Variants in FER1L6 observed in about 807,000 individuals in gnomAD.
FER1L6 encodes the protein fer-1 like family member 6.
In FER1L6, 177 loss-of-function variants were observed where a neutral mutation model predicts 219.2. The ratio of observed to expected loss-of-function variants is 0.81; its 90% CI spans 0.71 to 0.91. The LOEUF (loss-of-function observed/expected upper bound fraction) is 0.91, where lower values mean the gene tolerates loss of function less well. Ranked by LOEUF, FER1L6 falls within the 40% of genes least tolerant of loss-of-function variation. FER1L6 has a pLI of 0.00. For missense variants in FER1L6, 2,153 were observed against 2,259.9 expected, an observed-to-expected ratio of 0.95 and a Z score of 0.96; for synonymous variants, 768 against 824.3, an observed-to-expected ratio of 0.93 and a Z score of 1.17.
intron 33 of FER1L6, among the ~76,000 whole-genome samples, chr8:124,086,827 T>C (rs1821804601): frequency 6.6e-6 from 1 of 152,206 alleles, no homozygotes; most frequent in Admixed American, 6.5e-5. Context: ...TTATTTCTCC[T>C]TCATATTTAA....
intron 1 of FER1L6, among the ~76,000 whole-genome samples, chr8:123,870,596 GA>G (rs1816908479): frequency 6.6e-6 from 1 of 152,188 alleles, no homozygotes; most frequent in Non-Finnish European, 1.5e-5. Context: ...GTAACATTCT[GA>G]AAAAGGCATA....
intron 1 of FER1L6, among the ~76,000 whole-genome samples, chr8:123,943,285 A>G (rs1814338154): frequency 6.6e-6 from 1 of 152,176 alleles, no homozygotes; most frequent in African/African-American, 2.4e-5. Context: ...GACCCAGGGC[A>G]TTGACACTGT....
At chr8:123,922,978 C>A (rs1034125894) in intron 1 of FER1L6, among the ~76,000 whole-genome samples, 3 of 152,150 alleles carry the variant, frequency 2.0e-5, no homozygotes, top group East Asian at 1.9e-4. Flanking sequence ...TACAGCCCCC[C>A]CCCAGACCCC....
chr8:124,033,541 G>T (rs1170048634), intron 18 of FER1L6, among the ~76,000 whole-genome samples: 1 of 151,840 alleles, frequency 6.6e-6, no homozygotes, highest in African/African-American at 2.4e-5. Flanking sequence ...ACTGCTTAAA[G>T]AATACAGTCC....
At chr8:124,019,844 G>A (rs1444613607) in intron 16 of FER1L6, among the ~76,000 whole-genome samples, 1 of 152,222 alleles carries the variant, frequency 6.6e-6, no homozygotes, top group Non-Finnish European at 1.5e-5. Context: ...AAGCCACTGG[G>A]ATCAGGAAAA....
At chr8:123,860,239 T>C (rs1816723840) in intron 1 of FER1L6, among the ~76,000 whole-genome samples, 1 of 89,782 alleles carries the variant, frequency 1.1e-5, no homozygotes, top group Non-Finnish European at 2.1e-5. Context: ...TGTTTGGTTT[T>C]TTGTTCTTGC....
chr8:123,866,067 C>T (rs1405758359), intron 1 of FER1L6, among the ~76,000 whole-genome samples: 1 of 151,734 alleles, frequency 6.6e-6, no homozygotes, highest in Non-Finnish European at 1.5e-5. Context: ...CAAGTCTTTG[C>T]TATTGTGAAT....
In FER1L6 at chr8:124,097,902, TCCAACCTC is replaced by T. The variant is rs1445754443; in HGVS notation, c.4883+23_4883+30del. The T allele has an allele frequency of 2.4e-6, 3 of 1,270,416 alleles. No individual in the cohort carries two copies. The highest frequency in any genetic ancestry group is 3.5e-6 in the Non-Finnish European group (3 of 866,860). 78.7% of individuals were successfully genotyped at this position (1,270,416 alleles called of 1,614,324 possible). A position where few individuals can be genotyped will look rare whatever the true frequency, so the allele number is the denominator to read the frequency against. On this transcript the variant is annotated intron_variant, in intron 37 of 40. Transcript: ENST00000522917. ...TGAAAGGGTAAGGTTATCAACAAAC[TCCAACCTC>T]CCATTTCCTTCCCTCCTCACCTTTT...
chr8:123,973,021 G>A (rs990636566), intron 6 of FER1L6, among the ~76,000 whole-genome samples: 1 of 152,184 alleles, frequency 6.6e-6, no homozygotes, highest in Non-Finnish European at 1.5e-5. Context: ...AATATGTGAT[G>A]AGTTCTCTGA....
intron 8 of FER1L6, 62 bp from the exon 9 acceptor site, chr8:123,975,836 G>A (rs1329548696): frequency 7.2e-7 from 1 of 1,381,146 alleles, no homozygotes; most frequent in Non-Finnish European, 9.8e-7. Context: ...AATTGCTCCT[G>A]TCTTTTCTCT....
chr8:123,966,119 G>A (rs753866820), intron 4 of FER1L6, 40 bp from the exon 5 acceptor site: 1 of 1,613,766 alleles, frequency 6.2e-7, no homozygotes, highest in South Asian at 1.1e-5. Flanking sequence ...TGCATGGATG[G>A]CGGTGTCCGG....
chr8:124,085,742 G>C (rs1821758756), intron 33 of FER1L6, among the ~76,000 whole-genome samples: 1 of 151,826 alleles, frequency 6.6e-6, no homozygotes, highest in South Asian at 2.1e-4. Flanking sequence ...GGTCCATTTG[G>C]TCTATAGGGT....
chr8:123,858,776 C>A (rs369831274), intron 1 of FER1L6, among the ~76,000 whole-genome samples: 1 of 152,168 alleles, frequency 6.6e-6, no homozygotes, highest in East Asian at 1.9e-4. Flanking sequence ...CCAAAGCTTT[C>A]AATCAATGAT....
chr8:123,985,004 G>A (rs1816503807), intron 11 of FER1L6: 1 of 152,250 alleles, frequency 6.6e-6, no homozygotes, highest in African/African-American at 2.4e-5. Flanking sequence ...AGCAACATCT[G>A]TTCCCTGAAG....
chr8:123,955,168 C>T (rs1586511158), intron 1 of FER1L6, among the ~76,000 whole-genome samples: 2 of 152,242 alleles, frequency 1.3e-5, no homozygotes, highest in East Asian at 3.9e-4. Flanking sequence ...ACTTGGGAGG[C>T]TGAGGCAGGA....
intron 22 of FER1L6, among the ~76,000 whole-genome samples, chr8:124,054,028 T>C (rs1404115542): frequency 6.6e-6 from 1 of 152,206 alleles, no homozygotes; most frequent in Non-Finnish European, 1.5e-5. Context: ...TAAGCCTTAA[T>C]TCTTTACACC....
chr8:123,887,785 A>G (rs959058894), intron 1 of FER1L6, among the ~76,000 whole-genome samples: 1 of 152,104 alleles, frequency 6.6e-6, no homozygotes, highest in Non-Finnish European at 1.5e-5. Flanking sequence ...TTCTGGAAGA[A>G]TTTTTGTTTG....
chr8:123,985,792 C>A (rs1816545277), intron 11 of FER1L6: 2 of 295,048 alleles, frequency 6.8e-6, no homozygotes, highest in East Asian at 6.9e-5. Context: ...ATACGCACAC[C>A]AAGTTTATAT....
rs1316195406 is a variant in FER1L6, at chr8:124,093,793, A to T, written c.4553-1103A>T. 4.0e-5 allele frequency among the ~76,000 whole-genome samples: 6 copies of T among 151,004 alleles called. No homozygotes were observed. In the East Asian group the frequency reaches 5.8e-4, roughly 15 times the overall value. On this transcript the variant is annotated intron_variant, in intron 34 of 40. Transcript: ENST00000522917. ...GTGGCCCCTTTATTTTTATTACTTT[A>T]ATTATTTTTATTATTTTAATTTTTG...
Sources: allele counts gnomAD v4.1 joint callset (sites outside exome capture counted in the v4.1 genomes callset), GRCh38; gene constraint gnomAD v4.1.1; transcripts MANE v1.5; gene names NCBI Gene and HGNC (gene_info 2026-07-23, HGNC 2026-07-21).